Variants in PRORP observed in about 807,000 individuals in gnomAD.
PRORP encodes the protein mitochondrial ribonuclease P catalytic subunit.
PRORP carries 51 observed loss-of-function variants against 59.4 expected under a neutral mutation model. The observed-to-expected ratio is 0.86, with a 90% CI of 0.69 to 1.08. The LOEUF (loss-of-function observed/expected upper bound fraction) is 1.08, where lower values mean the gene tolerates loss of function less well. Ranked by LOEUF, PRORP falls within the 50% of genes least tolerant of loss-of-function variation. PRORP has a pLI of 0.00. For missense variants in PRORP, 646 were observed against 690.3 expected (o/e 0.94, Z 0.72); for synonymous variants, 231 against 245.6 (o/e 0.94, Z 0.55).
intron 5 of PRORP, among the ~76,000 whole-genome samples, chr14:35,181,554 G>A (rs1566481322): frequency 6.6e-6 from 1 of 152,290 alleles, no homozygotes; most frequent in East Asian, 1.9e-4. Context: ...GGAGGCCAAG[G>A]TGGGTGGATC....
intron 5 of PRORP, among the ~76,000 whole-genome samples, chr14:35,258,841 T>G (rs1435643204): frequency 1.3e-5 from 2 of 152,222 alleles, no homozygotes; most frequent in African/African-American, 4.8e-5. Context: ...CACACAGTTT[T>G]GATTACCATA....
At chr14:35,180,175 A>C (rs2048565590) in intron 4 of PRORP, among the ~76,000 whole-genome samples, 1 of 152,134 alleles carries the variant, frequency 6.6e-6, no homozygotes, top group Non-Finnish European at 1.5e-5. Context: ...GACCCACTTG[A>C]GGAGGCAGTC....
Position 35,210,241 on chromosome 14 carries a change from T to C in PRORP, c.1275+29464T>C, listed in dbSNP as rs371384615. 6.6e-5 allele frequency among the ~76,000 whole-genome samples: 10 copies of C among 152,320 alleles called. No homozygotes were observed. In the South Asian group the frequency reaches 8.3e-4, roughly 13 times the overall value. On this transcript the variant is annotated intron_variant, in intron 5 of 7. Coordinates refer to ENST00000534898, the MANE Select transcript of PRORP (RefSeq NM_014672.4). ...CTTTGGCTGAGTTACTGGAAAAATATTCCTACCTATAAAGTGCAAACTCAG... is the reference window on the plus strand; with the variant it reads ...CTTTGGCTGAGTTACTGGAAAAATACTCCTACCTATAAAGTGCAAACTCAG...
intron 4 of PRORP, among the ~76,000 whole-genome samples, chr14:35,155,596 C>G (rs1030558945): frequency 7.0e-6 from 1 of 143,632 alleles, no homozygotes; most frequent in Non-Finnish European, 1.5e-5. Context: ...GACAAATACA[C>G]ATATGCTTTC....
chr14:35,159,316 T>C (rs1203014194), intron 4 of PRORP, among the ~76,000 whole-genome samples: 1 of 152,198 alleles, frequency 6.6e-6, no homozygotes, highest in Non-Finnish European at 1.5e-5. Context: ...CTTCCTCTTC[T>C]TTTTCCCCTC....
chr14:35,172,453 C>CTTTCTTTCTTTCTTTCTTTCTTTCTT (rs2048337500), intron 4 of PRORP, among the ~76,000 whole-genome samples: 5 of 46,758 alleles, frequency 1.1e-4, no homozygotes, highest in African/African-American at 2.4e-4. Flanking sequence ...TCCTTCCTTC[C>CTTTCTTTCTTTCTTTCTTTCTTTCTT]TTCTTTCTTT....
chr14:35,265,332 A>T (rs2051013541), intron 5 of PRORP, among the ~76,000 whole-genome samples: 1 of 152,268 alleles, frequency 6.6e-6, no homozygotes, highest in African/African-American at 2.4e-5. Context: ...ACATGATTAT[A>T]TAATACAAGT....
intron 4 of PRORP, among the ~76,000 whole-genome samples, chr14:35,136,578 T>C (rs1468601249): frequency 1.4e-5 from 2 of 144,920 alleles, no homozygotes; most frequent in Non-Finnish European, 1.5e-5. Flanking sequence ...TTTCTCCATA[T>C]TGGTGAGGCT....
At chr14:35,153,928 A>G in intron 4 of PRORP, among the ~76,000 whole-genome samples, 1 of 152,242 alleles carries the variant, frequency 6.6e-6, no homozygotes, top group East Asian at 1.9e-4. Flanking sequence ...TATAAGGGTT[A>G]TTATAAGCTA....
chr14:35,247,703 A>G (rs1216194642), intron 5 of PRORP, among the ~76,000 whole-genome samples: 2 of 152,166 alleles, frequency 1.3e-5, no homozygotes, highest in African/African-American at 2.4e-5. Context: ...ATTTAATCAA[A>G]TTTTGATATT....
intron 4 of PRORP, among the ~76,000 whole-genome samples, chr14:35,179,913 G>T (rs1280595632): frequency 2.6e-5 from 4 of 152,138 alleles, no homozygotes; most frequent in Non-Finnish European, 5.9e-5. Flanking sequence ...TGGGGTTTTG[G>T]TGTGGAAGTC....
chr14:35,177,594 C>T lies in PRORP; in HGVS notation c.1168-3076C>T, dbSNP rs1290529068. 5.3e-5 allele frequency among the ~76,000 whole-genome samples: 8 copies of T among 152,192 alleles called. No homozygotes were observed. In the East Asian group the frequency reaches 1.5e-3, roughly 29 times the overall value. ...TCTGTGGGATCGGTGGTGATATCCC[C>T]TTTATCATTTTTTATTGTGTCTATT... is the stretch of plus-strand genomic sequence containing the variant. On this transcript the variant is annotated intron_variant, in intron 4 of 7. Transcript: ENST00000534898.
chr14:35,254,718 T>A (rs185670628), intron 5 of PRORP, among the ~76,000 whole-genome samples: 16 of 152,194 alleles, frequency 1.1e-4, no homozygotes, highest in Non-Finnish European at 1.0e-4. Flanking sequence ...ATCCTTTGAT[T>A]TTCCCCCATT....
chr14:35,238,796 A>G (rs1361602647), intron 5 of PRORP, among the ~76,000 whole-genome samples: 2 of 152,214 alleles, frequency 1.3e-5, no homozygotes, highest in Non-Finnish European at 2.9e-5. Context: ...AAAGCTGGAC[A>G]CTGTGCTTAA....
chr14:35,135,943 G>GC (rs1256924188), intron 4 of PRORP, among the ~76,000 whole-genome samples: 10 of 146,104 alleles, frequency 6.8e-5, no homozygotes, highest in African/African-American at 2.6e-4. Flanking sequence ...GGGCGTCAGA[G>GC]CAAGACTCTG....
chr14:35,193,847 A>G (rs2048945200), intron 5 of PRORP, among the ~76,000 whole-genome samples: 1 of 151,812 alleles, frequency 6.6e-6, no homozygotes, highest in Non-Finnish European at 1.5e-5. Context: ...CCGTTTAAAG[A>G]CTCTCTCTTA....
chr14:35,217,917 A>G (rs1033539715), intron 5 of PRORP, among the ~76,000 whole-genome samples: 1 of 152,250 alleles, frequency 6.6e-6, no homozygotes, highest in South Asian at 2.1e-4. Context: ...TGTTTTGGCT[A>G]TTCTTGGTCC....
chr14:35,209,785 C>T (rs1183067717), intron 5 of PRORP, among the ~76,000 whole-genome samples: 1 of 152,194 alleles, frequency 6.6e-6, no homozygotes, highest in African/African-American at 2.4e-5. Context: ...ATCCACCGTC[C>T]TCGGCCTCCC....
At chr14:35,193,269 A>C (rs1305453106) in intron 5 of PRORP, among the ~76,000 whole-genome samples, 2 of 152,344 alleles carry the variant, frequency 1.3e-5, no homozygotes, top group East Asian at 3.9e-4. Context: ...CAGCAGAATG[A>C]AAATTTATAA....
Sources: gnomAD v4.1 joint callset for allele counts (sites outside exome capture counted in the v4.1 genomes callset) on GRCh38, gnomAD v4.1.1 for gene constraint, MANE v1.5 for transcripts, NCBI Gene and HGNC (gene_info 2026-07-23, HGNC 2026-07-21) for gene names.